The following PKD1L1 variants were observed in gnomAD, a reference collection of about 807,000 sequenced individuals.
PKD1L1 encodes polycystin 1 like 1, transient receptor potential channel interacting.
Under a neutral mutation model 323.4 loss-of-function variants are expected in PKD1L1, and 236 were observed. That is an observed-to-expected ratio of 0.73 (90% CI 0.66 to 0.81). The LOEUF (loss-of-function observed/expected upper bound fraction) is 0.81, where lower values mean the gene tolerates loss of function less well. Ranked by LOEUF, PKD1L1 falls within the 40% of genes least tolerant of loss-of-function variation. PKD1L1 has a pLI of 0.00. For synonymous variants in PKD1L1, 1,344 were observed against 1,335.0 expected (o/e 1.01, Z -0.15); for missense variants, 3,320 against 3,508.0 (o/e 0.95, Z 1.35).
intron 34 of PKD1L1, among the ~76,000 whole-genome samples, 198 bp downstream of exon 34, chr7:47,842,764 T>G (rs1583613648): frequency 6.6e-6 from 1 of 151,672 alleles, no homozygotes. Flanking sequence ...CTGCAGAAGG[T>G]GAAGGGGTCT....
chr7:47,809,738 C>CA (rs1784855199), intron 50 of PKD1L1, 161 bp from the exon 51 acceptor site: 1 of 515,504 alleles, frequency 1.9e-6, no homozygotes, highest in East Asian at 3.3e-5. Flanking sequence ...ACTTGCTCTT[C>CA]AGTAGGCACT....
chr7:47,833,139 G>T lies in PKD1L1; in HGVS notation c.6288C>A (p.Ser2096Arg). 1 of 1,612,490 alleles carries T rather than the reference G, an allele frequency of 6.2e-7. No homozygotes were observed. ...PKLQVHGADH[S>R]RTSLMGKSHC... ...GGCTTTTCCCCATCAGAGAAGTCCT[G>T]CTGTGGTCAGCCCCATGAACCTGCA... Residue 2096 changes from serine to arginine, a missense_variant, in exon 41 of 57, where the codon AGC becomes AGA. Coordinates refer to ENST00000289672, the MANE Select transcript of PKD1L1 (RefSeq NM_138295.5).
At position 47,929,316 on chromosome 7, in the gene PKD1L1, A is replaced by G. The variant is rs568425628; in HGVS notation, c.948T>C (p.Ser316=). Reference sequence around the variant, plus strand: ...CCATCATCAGACAGAGAGCCTCTCCAGAAGCCATATGAACACGGAATCCCA... The same window carrying G: ...CCATCATCAGACAGAGAGCCTCTCCGGAAGCCATATGAACACGGAATCCCA... ...PNLGFRVHMA[S]GEALCLMMDF... is the part of the protein sequence containing the mutation. The change falls in exon 7 of 57, where the codon TCT becomes TCC. Residue 316 remains serine (S), a synonymous_variant. Coordinates refer to ENST00000289672, the MANE Select transcript of PKD1L1 (RefSeq NM_138295.5). 2 of 1,614,234 alleles carry G rather than the reference A, an allele frequency of 1.2e-6. No homozygotes were observed. The highest frequency in any genetic ancestry group is 2.2e-5 in the East Asian group (1 of 44,886).
At chr7:47,907,525 A>G (rs569781829) in intron 9 of PKD1L1, among the ~76,000 whole-genome samples, 2 of 152,354 alleles carry the variant, frequency 1.3e-5, no homozygotes, top group Admixed American at 1.3e-4. Context: ...GTGGGGTGAC[A>G]CGAGTGAGGC....
At chr7:47,916,558 AG>A (rs1216441403) in intron 7 of PKD1L1, among the ~76,000 whole-genome samples, 1 of 152,214 alleles carries the variant, frequency 6.6e-6, no homozygotes, top group Non-Finnish European at 1.5e-5. Flanking sequence ...GACTCCCTGA[AG>A]TAAGTGGATT....
At chr7:47,806,044 G>A (rs1486698162) in intron 52 of PKD1L1, among the ~76,000 whole-genome samples, 1 of 152,176 alleles carries the variant, frequency 6.6e-6, no homozygotes, top group Non-Finnish European at 1.5e-5. Flanking sequence ...TCTGGCAGGG[G>A]CAGGGAACAT....
At chr7:47,951,605 G>C (rs1425479674), upstream of PKD1L1, among the ~76,000 whole-genome samples, 2 of 152,152 alleles carry the variant, frequency 1.3e-5, no homozygotes, top group African/African-American at 4.8e-5. Context: ...AGTGTAAAAA[G>C]GCACAGAGCT....
chr7:47,822,814 C>T (rs184037306), intron 45 of PKD1L1, among the ~76,000 whole-genome samples: 1 of 152,290 alleles, frequency 6.6e-6, no homozygotes, highest in Admixed American at 6.5e-5. Context: ...CCATGTACTT[C>T]ATTTATTTGG....
Position 47,881,984 on chromosome 7 carries a change from C to T in PKD1L1, c.3367G>A (p.Ala1123Thr). The part of the protein sequence containing the change: ...LVDPSLSAGR[A>T]EPVLMIDWPK... The stretch of plus-strand genomic sequence containing the variant: ...CAGTCAATCATGAGGACAGGCTCGG[C>T]TCTGCCTGCAGACAGGGAGGGGTCC... Residue 1123 changes from alanine to threonine, a missense_variant, in exon 20 of 57, where the codon GCC becomes ACC. Ala to Thr is a moderately conservative substitution (Grantham distance 58). Transcript: ENST00000289672. The T allele has an allele frequency of 6.2e-7, 1 of 1,614,052 alleles. No homozygotes were observed. Among genetic ancestry groups the T allele is most frequent in the Non-Finnish European group, 8.5e-7 (1 of 1,180,008 alleles).
chr7:47,894,644 A>G (rs902525047), intron 14 of PKD1L1, among the ~76,000 whole-genome samples: 2 of 152,138 alleles, frequency 1.3e-5, no homozygotes, highest in Non-Finnish European at 2.9e-5. Context: ...TGCACTCAGG[A>G]GTTTGAGACC....
At chr7:47,879,807 G>C (rs56745469) in intron 21 of PKD1L1, among the ~76,000 whole-genome samples, 47,300 of 141,028 alleles carry the variant, frequency 0.34, 9,107 homozygotes, top group African/African-American at 0.53. Flanking sequence ...GTGGCAGGCA[G>C]CTGTAGTCCC....
chr7:47,856,459 GT>G (rs1785906836), intron 28 of PKD1L1, among the ~76,000 whole-genome samples: 1 of 152,202 alleles, frequency 6.6e-6, no homozygotes, highest in Admixed American at 6.5e-5. Flanking sequence ...TTCTATTTGA[GT>G]TATAATAATA....
intron 5 of PKD1L1, 52 bp downstream of exon 5, chr7:47,931,884 T>G (rs544722287): frequency 4.2e-4 from 655 of 1,578,070 alleles, no homozygotes; most frequent in Non-Finnish European, 5.5e-4. Context: ...ATGCATCAGA[T>G]GCTCACCAGC....
In PKD1L1 at chr7:47,943,411, C is replaced by T. The variant is rs2128759145; in HGVS notation, c.145G>A (p.Gly49Ser). Reference protein sequence around the residue: ...LHLCSCSPPGGGLWVEVYANH... With the variant: ...LHLCSCSPPGSGLWVEVYANH... The stretch of plus-strand genomic sequence containing the variant: ...AAGGCCTTACCGACCCACAATCCAC[C>T]TCCAGGAGGGCTACAGCTGCACAGA... The change falls in exon 2 of 57, where the codon GGT (glycine) becomes AGT (serine). Residue 49 changes from glycine (G) to serine (S), a missense_variant. Physicochemically the swap from Gly to Ser is moderately conservative, Grantham distance 56. Transcript: ENST00000289672. 2 of 1,613,244 alleles carry T rather than the reference C, an allele frequency of 1.2e-6. No homozygotes were observed. The highest frequency in any genetic ancestry group is 1.7e-6 in the Non-Finnish European group (2 of 1,179,530).
intron 14 of PKD1L1, among the ~76,000 whole-genome samples, chr7:47,895,435 A>G (rs1266928460): frequency 6.6e-6 from 1 of 152,200 alleles, no homozygotes; most frequent in Non-Finnish European, 1.5e-5. Flanking sequence ...ATTTTTTAAG[A>G]AAGGGATTAT....
intron 14 of PKD1L1, among the ~76,000 whole-genome samples, chr7:47,896,326 T>C (rs1367199496): frequency 1.8e-5 from 2 of 111,112 alleles, no homozygotes; most frequent in Non-Finnish European, 3.3e-5. Context: ...TGAGACCCTG[T>C]CTCAAAAAAA....
chr7:47,870,753 C>G (rs1182732781), intron 24 of PKD1L1, among the ~76,000 whole-genome samples: 2 of 152,130 alleles, frequency 1.3e-5, no homozygotes, highest in Admixed American at 6.5e-5. Context: ...TATCCCAGCA[C>G]TTTGGGAGGC....
intron 24 of PKD1L1, among the ~76,000 whole-genome samples, chr7:47,870,813 A>G (rs1336155521): frequency 6.6e-6 from 1 of 152,108 alleles, no homozygotes; most frequent in Non-Finnish European, 1.5e-5. Flanking sequence ...AGCCTGGGCA[A>G]CATGATGAAA....
intron 55 of PKD1L1, among the ~76,000 whole-genome samples, chr7:47,794,480 A>C (rs1787027720): frequency 6.6e-6 from 1 of 152,228 alleles, no homozygotes; most frequent in African/African-American, 2.4e-5. Flanking sequence ...ACAGAAGTCA[A>C]GAATTGAGGT....
Sources: allele counts gnomAD v4.1 joint callset (sites outside exome capture counted in the v4.1 genomes callset), GRCh38; gene constraint gnomAD v4.1.1; transcripts MANE v1.5; gene names NCBI Gene and HGNC (gene_info 2026-07-23, HGNC 2026-07-21).